NAB1: variants seen among roughly 807,000 people sequenced by gnomAD.
NAB1 encodes the protein NGFI-A binding protein 1, also known as NGFI-A-binding protein 1.
Under a neutral mutation model 49.9 loss-of-function variants are expected in NAB1, and 25 were observed. That is an observed-to-expected ratio of 0.50 (90% confidence interval 0.37 to 0.70). NAB1 has a LOEUF of 0.70. Ranked by LOEUF, NAB1 falls within the 30% of genes least tolerant of loss-of-function variation. The pLI is 0.00. For synonymous variants in NAB1, 198 were observed against 215.6 expected (o/e 0.92, Z 0.71); for missense variants, 489 against 575.9 (o/e 0.85, Z 1.54).
chr2:190,677,690 T>C lies in NAB1; in HGVS notation c.1005+4538T>C, dbSNP rs1480165810. Among the ~76,000 whole-genome samples the C allele has an allele frequency of 6.6e-6, 1 of 152,200 alleles. No homozygotes were observed. The highest frequency in any genetic ancestry group is 1.5e-5 in the Non-Finnish European group (1 of 68,040). On this transcript the variant is annotated intron_variant, in intron 6 of 9. Transcript: ENST00000337386. The surrounding 1 kb of genome is among the most constrained non-coding windows in gnomAD (Gnocchi z 5.6). ...ATCACAAACATTCTTGTCTAACCTATGTGGAGGCTTTATGATTTCCATTTT... is the reference window on the plus strand; with the variant it reads ...ATCACAAACATTCTTGTCTAACCTACGTGGAGGCTTTATGATTTCCATTTT...
chr2:190,688,269 C>T (rs2125885577), intron 9 of NAB1, among the ~76,000 whole-genome samples: 1 of 152,292 alleles, frequency 6.6e-6, no homozygotes, highest in East Asian at 1.9e-4. Context: ...CCTGACTTTA[C>T]ATCTGTTATC....
rs977463823 is a variant in NAB1, at chr2:190,683,082, TG to T, written c.1006-655del. ...TAATCAAACCCCCCACTAGGTTAAA[TG>T]TTTTTTATGTGTTTTGTTTTTGTTT... is the stretch of plus-strand genomic sequence containing the variant. On this transcript the variant is annotated intron_variant, in intron 6 of 9. Transcript: ENST00000337386. Among the ~76,000 whole-genome samples the T allele has an allele frequency of 4.4e-4, 67 of 152,020 alleles. 1 individual carries two copies. The highest frequency in any genetic ancestry group is 1.5e-3 in the African/African-American group (64 of 41,386).
At chr2:190,650,212 T>TA (rs1693590768) in intron 2 of NAB1, among the ~76,000 whole-genome samples, 1 of 152,188 alleles carries the variant, frequency 6.6e-6, no homozygotes, top group Non-Finnish European at 1.5e-5. Context: ...TGCATGTACT[T>TA]ACACCTCGCT....
intron 9 of NAB1, among the ~76,000 whole-genome samples, chr2:190,690,043 C>CATATATGTA (rs1574489946): frequency 9.1e-4 from 5 of 5,490 alleles, no homozygotes; most frequent in African/African-American, 2.3e-3. Flanking sequence ...ATGTATACAT[C>CATATATGTA]TAGTAATTGG....
chr2:190,659,605 GTC>G lies in NAB1; in HGVS notation c.430_431del (p.Ser144ArgfsTer13). 2 of 1,614,252 alleles carry G rather than the reference GTC, an allele frequency of 1.2e-6. No individual in the cohort carries two copies. Among genetic ancestry groups the G allele is most frequent in the Non-Finnish European group, 8.5e-7 (1 of 1,180,036 alleles). On this transcript the variant is annotated frameshift_variant, in exon 4 of 10. Coordinates refer to ENST00000337386, the MANE Select transcript of NAB1 (RefSeq NM_005966.4). LOFTEE classifies it high-confidence loss of function. This position sits in a 1 kb window ranked among gnomAD's most constrained non-coding sequence, Gnocchi z 6.2. ...GTGTGCAGAGCTTGGGACAGGGGAA[GTC>G]AGATGTGGTTGGGAGCCTAGCACTG... ...TCVQSLGQGK[S>X]DVVGSLALQS...
Position 190,684,663 on chromosome 2 carries a change from A to T in NAB1, c.1096-813A>T, listed in dbSNP as rs925322426. Among the ~76,000 whole-genome samples, 9 of 152,172 alleles carry T rather than the reference A, an allele frequency of 5.9e-5. No homozygotes were observed. Among genetic ancestry groups the T allele is most frequent in the African/African-American group, 2.2e-4 (9 of 41,432 alleles). ...ATCAGGGCATTTTGTAACCAATTTT[A>T]TATAGCAGCTTTCTTGTCCTACTCT... is the stretch of plus-strand genomic sequence containing the variant. On this transcript the variant is annotated intron_variant, in intron 7 of 9. Transcript: ENST00000337386. This position sits in a 1 kb window ranked among gnomAD's most constrained non-coding sequence, Gnocchi z 4.6.
Position 190,684,878 on chromosome 2 carries a change from T to G in NAB1, c.1096-598T>G, listed in dbSNP as rs1197846041. On this transcript the variant is annotated intron_variant, in intron 7 of 9. Transcript: ENST00000337386. This position sits in a 1 kb window ranked among gnomAD's most constrained non-coding sequence, Gnocchi z 4.6. ...ACTAATTGTATATTTAAAATATGCC[T>G]TTTTATGATTGGTTGGGAAATACTG... 6.6e-6 allele frequency among the ~76,000 whole-genome samples: 1 copy of G among 152,212 alleles called. No homozygotes were observed. Among genetic ancestry groups the G allele is most frequent in the African/African-American group, 2.4e-5 (1 of 41,464 alleles).
At chr2:190,660,984 G>T (rs1340632346) in intron 4 of NAB1, among the ~76,000 whole-genome samples, 4 of 149,028 alleles carry the variant, frequency 2.7e-5, no homozygotes, top group African/African-American at 7.4e-5. Context: ...ACTCTGTCAC[G>T]CAAGCTAGAG....
At position 190,652,697 on chromosome 2, in the gene NAB1, C is replaced by G. The variant is rs1693729082; in HGVS notation, c.-197+2715C>G. On this transcript the variant is annotated intron_variant, in intron 2 of 9. Transcript: ENST00000337386. This position sits in a 1 kb window ranked among gnomAD's most constrained non-coding sequence, Gnocchi z 4.2. ...TAGCTAAGATCCAGAAGTATCTTGA[C>G]TTATATGGTACACCACTGAATGCTT... 6.6e-6 allele frequency among the ~76,000 whole-genome samples: 1 copy of G among 152,170 alleles called. No homozygotes were observed. Among genetic ancestry groups the G allele is most frequent in the African/African-American group, 2.4e-5 (1 of 41,436 alleles).
In NAB1 at chr2:190,666,115, C is replaced by A. The variant is rs1002089524; in HGVS notation, c.820-4211C>A. On this transcript the variant is annotated intron_variant, in intron 4 of 9. Transcript: ENST00000337386. This position sits in a 1 kb window ranked among gnomAD's most constrained non-coding sequence, Gnocchi z 5.6. ...GCTCATTGAGCATTTAAAAGATGAT[C>A]CCCTCCCTATTTTATTTAACATTTT... Among the ~76,000 whole-genome samples the A allele has an allele frequency of 1.3e-5, 2 of 152,040 alleles. No individual in the cohort carries two copies. Among genetic ancestry groups the A allele is most frequent in the African/African-American group, 4.8e-5 (2 of 41,378 alleles).
In NAB1 at chr2:190,684,944, C is replaced by T. The variant is rs545956459; in HGVS notation, c.1096-532C>T. On this transcript the variant is annotated intron_variant, in intron 7 of 9. Coordinates refer to ENST00000337386, the MANE Select transcript of NAB1 (RefSeq NM_005966.4). The surrounding 1 kb of genome is among the most constrained non-coding windows in gnomAD (Gnocchi z 4.6). The stretch of plus-strand genomic sequence containing the variant: ...ATGAAGGTAAAGATGCTTATTGGCA[C>T]TGATGTTTTTCTGCATAATTTACAT... Among the ~76,000 whole-genome samples the T allele has an allele frequency of 6.6e-6, 1 of 152,148 alleles. No individual in the cohort carries two copies. The highest frequency in any genetic ancestry group is 2.4e-5 in the African/African-American group (1 of 41,434).
chr2:190,687,392 CATCAAA>C, intron 9 of NAB1, 75 bp downstream of exon 9: 21 of 391,522 alleles, frequency 5.4e-5, no homozygotes, highest in Non-Finnish European at 7.9e-5. Context: ...TTTCCTCCCC[CATCAAA>C]AAAAAAAAAA....
In NAB1 at chr2:190,673,153, G is replaced by A. The variant is rs1437155593; in HGVS notation, c.1005+1G>A. The stretch of plus-strand genomic sequence containing the variant: ...ATCCCCAAAGAGAATTAAAGTGGAG[G>A]TATGGTCATATGTTACATTTTCTTA... On this transcript the variant is annotated splice_donor_variant, in intron 6 of 9. Coordinates refer to ENST00000337386, the MANE Select transcript of NAB1 (RefSeq NM_005966.4). LOFTEE classifies it high-confidence loss of function. The A allele has an allele frequency of 6.2e-7, 1 of 1,610,830 alleles. No homozygotes were observed. The highest frequency in any genetic ancestry group is 8.5e-7 in the Non-Finnish European group (1 of 1,178,714).
Position 190,685,807 on chromosome 2 carries a change from C to A in NAB1, c.1258+169C>A. The A allele has an allele frequency of 1.7e-6, 1 of 590,654 alleles. No individual in the cohort carries two copies. Among genetic ancestry groups the A allele is most frequent in the Non-Finnish European group, 2.5e-6 (1 of 394,456 alleles). 36.6% of individuals were successfully genotyped at this position (590,654 alleles called of 1,614,324 possible). A position where few individuals can be genotyped will look rare whatever the true frequency, so the allele number is the denominator to read the frequency against. On this transcript the variant is annotated intron_variant, in intron 8 of 9. Transcript: ENST00000337386. This position sits in a 1 kb window ranked among gnomAD's most constrained non-coding sequence, Gnocchi z 4.5. ...TCATTTTTCTAAAAAGATAATTTAT[C>A]CTGCAAATTTTAATTTGTAAATTTT...
intron 3 of NAB1, among the ~76,000 whole-genome samples, chr2:190,656,955 A>G (rs535237347): frequency 6.6e-6 from 1 of 152,310 alleles, no homozygotes; most frequent in East Asian, 1.9e-4. Context: ...TAGTGTGTGT[A>G]CTACTGAGAA....
At chr2:190,653,916 G>A (rs1009187933) in intron 2 of NAB1, 15 of 152,158 alleles carry the variant, frequency 9.9e-5, no homozygotes, top group African/African-American at 3.6e-4. Context: ...TAAGAAAGAA[G>A]AAGTATTAAG....
At chr2:190,656,715 C>A (rs929566) in intron 3 of NAB1, among the ~76,000 whole-genome samples, 1 of 151,898 alleles carries the variant, frequency 6.6e-6, no homozygotes, top group African/African-American at 2.4e-5. Flanking sequence ...AAATCATTGC[C>A]TTATCTCAGA....
At chr2:190,683,967 A>T in intron 7 of NAB1, 140 bp downstream of exon 7, 1 of 679,068 alleles carries the variant, frequency 1.5e-6, no homozygotes. Context: ...CATCTGAGCC[A>T]CAGCTGTATC....
At chr2:190,673,302 G>A in intron 6 of NAB1, 150 bp downstream of exon 6, 1 of 732,692 alleles carries the variant, frequency 1.4e-6, no homozygotes, top group Non-Finnish European at 2.3e-6. Context: ...ATAGAATTTT[G>A]TTACCTTGAA....
Sources: gnomAD v4.1 joint callset for allele counts (sites outside exome capture counted in the v4.1 genomes callset) on GRCh38, gnomAD v4.1.1 for gene constraint, Gnocchi (gnomAD v3.1) non-coding constraint, MANE v1.5 for transcripts, NCBI Gene and HGNC (gene_info 2026-07-23, HGNC 2026-07-21) for gene names.